TMEM131L: variants seen among roughly 807,000 people sequenced by gnomAD.
TMEM131L encodes transmembrane 131 like, also known as transmembrane protein 131-like.
TMEM131L carries 54 observed loss-of-function variants against 192.2 expected under a neutral mutation model. That is an observed-to-expected ratio of 0.28 (90% confidence interval 0.23 to 0.35). The LOEUF (loss-of-function observed/expected upper bound fraction) is 0.35, where lower values mean the gene tolerates loss of function less well. TMEM131L is among the 10% of genes least tolerant of loss of function. The pLI, the probability that TMEM131L is intolerant of heterozygous loss-of-function variation, is 1.00. For synonymous variants in TMEM131L, 701 were observed against 704.9 expected (o/e 0.99, Z 0.09); for missense variants, 1,888 against 1,972.9 (o/e 0.96, Z 0.82).
intron 3 of TMEM131L, among the ~76,000 whole-genome samples, chr4:153,500,795 A>G (rs1469468794): frequency 1.3e-5 from 2 of 152,160 alleles, no homozygotes; most frequent in African/African-American, 4.8e-5. Context: ...AGAAACACAC[A>G]CGCTCACACA....
chr4:153,521,847 G>C (rs1735137308), intron 3 of TMEM131L, among the ~76,000 whole-genome samples: 1 of 136,028 alleles, frequency 7.4e-6, no homozygotes, highest in South Asian at 2.4e-4. Context: ...CCATGTTGTT[G>C]CATGTGTTTT....
At chr4:153,530,532 G>T (rs919695970) in intron 3 of TMEM131L, among the ~76,000 whole-genome samples, 1 of 152,184 alleles carries the variant, frequency 6.6e-6, no homozygotes, top group African/African-American at 2.4e-5. Flanking sequence ...CTGCATAGGC[G>T]TAGTTTGAAG....
chr4:153,630,467 C>T (rs1734134817), intron 31 of TMEM131L, among the ~76,000 whole-genome samples: 2 of 151,570 alleles, frequency 1.3e-5, no homozygotes, highest in Non-Finnish European at 2.9e-5. Flanking sequence ...AGAGGCATTA[C>T]TCCAGGTACA....
intron 3 of TMEM131L, among the ~76,000 whole-genome samples, chr4:153,488,037 G>A (rs1160921817): frequency 6.7e-6 from 1 of 148,706 alleles, no homozygotes; most frequent in Non-Finnish European, 1.5e-5. Flanking sequence ...CTATGACTGA[G>A]GGGTGTGTGT....
Position 153,556,954 on chromosome 4 carries a change from C to G in TMEM131L, c.433-12C>G. On this transcript the variant is annotated splice_polypyrimidine_tract_variant and intron_variant, in intron 5 of 34. Coordinates refer to ENST00000409959, the MANE Select transcript of TMEM131L (RefSeq NM_001131007.2). ...GCCATTCCAAGTGGCTGACTGGGGA[C>G]CTTTCTTTCAGGTAATTCCAGCAAT... is the stretch of plus-strand genomic sequence containing the variant. The G allele has an allele frequency of 3.0e-6, 4 of 1,353,928 alleles. No individual in the cohort carries two copies. Among genetic ancestry groups the G allele is most frequent in the South Asian group, 1.2e-5 (1 of 82,846 alleles). The allele number at this position is 1,353,928 out of a possible 1,614,324, so 83.9% of individuals were successfully genotyped here.
At chr4:153,595,584 GA>G (rs2150883846) in intron 19 of TMEM131L, among the ~76,000 whole-genome samples, 1 of 152,024 alleles carries the variant, frequency 6.6e-6, no homozygotes, top group East Asian at 1.9e-4. Context: ...TTAGCTCTAA[GA>G]AGTGATACAT....
intron 31 of TMEM131L, among the ~76,000 whole-genome samples, chr4:153,630,092 C>T (rs1384543756): frequency 6.6e-6 from 1 of 152,196 alleles, no homozygotes; most frequent in African/African-American, 2.4e-5. Context: ...AGTGTTGCTT[C>T]TCATAAGAAG....
chr4:153,484,618 G>A (rs1254494263), intron 3 of TMEM131L, among the ~76,000 whole-genome samples: 2 of 149,752 alleles, frequency 1.3e-5, no homozygotes, highest in African/African-American at 2.4e-5. Context: ...ACAGGCGCCC[G>A]CCACCACGCC....
At chr4:153,598,053 A>C (rs1319948977) in intron 20 of TMEM131L, among the ~76,000 whole-genome samples, 1 of 136,974 alleles carries the variant, frequency 7.3e-6, no homozygotes, top group Non-Finnish European at 1.7e-5. Context: ...GACTAGATAC[A>C]TGTTATTTAT....
intron 3 of TMEM131L, among the ~76,000 whole-genome samples, chr4:153,484,491 CAG>C (rs1223216288): frequency 6.7e-6 from 1 of 149,628 alleles, no homozygotes; most frequent in African/African-American, 2.5e-5. Context: ...TTTTTTGAGA[CAG>C]AGTCTCGCTC....
Position 153,598,613 on chromosome 4 carries a change from T to C in TMEM131L, c.2147T>C (p.Met716Thr), listed in dbSNP as rs539791243. ...AGGAATAACTTGACTGTTATTGACA[T>C]GATTGGCGTGGAAGGATTTGGAGCA... ...LIRNNLTVID[M>T]IGVEGFGARE... The change falls in exon 21 of 35, where the codon ATG becomes ACG. Residue 716 changes from methionine (M) to threonine (T), a missense_variant. Transcript: ENST00000409959. 5.6e-5 allele frequency: 91 copies of C among 1,613,904 alleles called. 2 individuals are homozygous for C. The South Asian group carries it at 6.3e-4, about 11-fold the overall frequency.
At chr4:153,492,100 C>A (rs1732831980) in intron 3 of TMEM131L, among the ~76,000 whole-genome samples, 1 of 151,950 alleles carries the variant, frequency 6.6e-6, no homozygotes. Context: ...ATCCTGGGCT[C>A]AAGCGATCCC....
At chr4:153,590,890 G>C (rs951156113) in intron 16 of TMEM131L, among the ~76,000 whole-genome samples, 163 bp from the exon 17 acceptor site, 1 of 152,004 alleles carries the variant, frequency 6.6e-6, no homozygotes, top group African/African-American at 2.4e-5. Flanking sequence ...GATCAATCTT[G>C]TACTTTCCCA....
At chr4:153,553,840 C>G (rs971814428) in intron 4 of TMEM131L, among the ~76,000 whole-genome samples, 3 of 152,168 alleles carry the variant, frequency 2.0e-5, no homozygotes, top group Non-Finnish European at 2.9e-5. Flanking sequence ...GTTAAATTAA[C>G]AGAGTATCTT....
At chr4:153,569,451 CCT>C (rs1322762892) in intron 7 of TMEM131L, among the ~76,000 whole-genome samples, 2 of 152,236 alleles carry the variant, frequency 1.3e-5, no homozygotes, top group African/African-American at 2.4e-5. Context: ...TTCACATCTT[CCT>C]CTGTTTCCCC....
chr4:153,540,951 T>C (rs558771745), intron 3 of TMEM131L, among the ~76,000 whole-genome samples: 1 of 152,356 alleles, frequency 6.6e-6, no homozygotes, highest in East Asian at 1.9e-4. Context: ...ACTCTGTTAA[T>C]GCTGGAGGTA....
At chr4:153,627,857 G>A (rs1359746678) in intron 31 of TMEM131L, among the ~76,000 whole-genome samples, 170 bp downstream of exon 31, 1 of 152,192 alleles carries the variant, frequency 6.6e-6, no homozygotes, top group African/African-American at 2.4e-5. Flanking sequence ...CTACTCTGTG[G>A]ACGGGCATCA....
intron 15 of TMEM131L, among the ~76,000 whole-genome samples, 197 bp downstream of exon 15, chr4:153,588,008 C>T (rs1016856814): frequency 1.4e-5 from 2 of 144,646 alleles, no homozygotes; most frequent in East Asian, 2.0e-4. Flanking sequence ...AATAATGCCC[C>T]TTTATTATCT....
intron 3 of TMEM131L, among the ~76,000 whole-genome samples, chr4:153,501,767 G>A (rs1432834140): frequency 6.6e-6 from 1 of 151,960 alleles, no homozygotes; most frequent in Non-Finnish European, 1.5e-5. Context: ...GGGCAGGCCA[G>A]GACTGAGGTG....
Sources: gnomAD v4.1 joint callset for allele counts (sites outside exome capture counted in the v4.1 genomes callset) on GRCh38, gnomAD v4.1.1 for gene constraint, MANE v1.5 for transcripts, NCBI Gene and HGNC (gene_info 2026-07-23, HGNC 2026-07-21) for gene names.